The following ITPK1 variants were observed in gnomAD, a reference collection of about 807,000 sequenced individuals.
The protein encoded by ITPK1 is inositol-tetrakisphosphate 1-kinase.
A neutral mutation model predicts 45.3 loss-of-function variants in ITPK1; 21 were observed. The ratio of observed to expected loss-of-function variants is 0.46; its 90% confidence interval spans 0.33 to 0.67. The LOEUF is 0.67. Ranked by LOEUF, ITPK1 falls within the 30% of genes least tolerant of loss-of-function variation. The pLI is 0.02. For synonymous variants in ITPK1, 258 were observed against 253.6 expected (o/e 1.02, Z -0.16); for missense variants, 474 against 573.5 (o/e 0.83, Z 1.77).
chr14:92,982,448 C>G (rs1007401520), intron 5 of ITPK1, among the ~76,000 whole-genome samples: 4 of 152,192 alleles, frequency 2.6e-5, no homozygotes, highest in African/African-American at 9.6e-5. Context: ...AGAAGAAACA[C>G]AGGACCTGTA....
In ITPK1 at chr14:92,997,832, C is replaced by T. The variant is rs555760396; in HGVS notation, c.247-3835G>A. 9.8e-5 allele frequency among the ~76,000 whole-genome samples: 15 copies of T among 152,292 alleles called. 2 individuals carry two copies. Among genetic ancestry groups the T allele is most frequent in the Admixed American group, 7.8e-4 (12 of 15,304 alleles). On this transcript the variant is annotated intron_variant, in intron 4 of 10. Coordinates refer to ENST00000267615, the MANE Select transcript of ITPK1 (RefSeq NM_014216.6). ...GGGCTGGAACACACCTGGGGCAGAG[C>T]GTCACGGTGCCCACCTACAGCGCAA...
At chr14:93,067,574 C>T (rs1890811365) in intron 3 of ITPK1, 1 of 152,130 alleles carries the variant, frequency 6.6e-6, no homozygotes, top group Admixed American at 6.5e-5. Context: ...CTAAAAAGCT[C>T]AGGAACCAAA....
At chr14:93,103,676 T>TA (rs1316729537) in intron 2 of ITPK1, among the ~76,000 whole-genome samples, 1 of 152,034 alleles carries the variant, frequency 6.6e-6, no homozygotes. Flanking sequence ...GGGTGTTTTT[T>TA]AAAAAGAAGA....
chr14:92,981,006 CCT>C (rs1366513876), intron 5 of ITPK1, among the ~76,000 whole-genome samples: 1 of 152,230 alleles, frequency 6.6e-6, no homozygotes, highest in East Asian at 1.9e-4. Flanking sequence ...CCGCACCCGG[CCT>C]CTCTTGTAGT....
chr14:92,955,210 C>T (rs1400972745), intron 8 of ITPK1, among the ~76,000 whole-genome samples: 1 of 152,244 alleles, frequency 6.6e-6, no homozygotes, highest in Non-Finnish European at 1.5e-5. Context: ...CACTCATTTA[C>T]ATATCTACAG....
At chr14:93,026,009 G>A (rs966413054) in intron 3 of ITPK1, among the ~76,000 whole-genome samples, 1 of 152,132 alleles carries the variant, frequency 6.6e-6, no homozygotes, top group Admixed American at 6.5e-5. Flanking sequence ...CCACGCCCAC[G>A]CCTGTCATCC....
intron 3 of ITPK1, among the ~76,000 whole-genome samples, chr14:93,074,650 G>A (rs74953241): frequency 0.01 from 1,589 of 152,282 alleles, 24 homozygotes; most frequent in African/African-American, 0.036. Context: ...AGGGCAACCC[G>A]GGGCCTTCCT....
chr14:92,973,744 G>C (rs1846916796), intron 5 of ITPK1, among the ~76,000 whole-genome samples: 1 of 152,228 alleles, frequency 6.6e-6, no homozygotes, highest in Non-Finnish European at 1.5e-5. Context: ...GGGTGGGAGG[G>C]CCGCACAGGC....
At chr14:93,029,577 C>T (rs756110771) in intron 3 of ITPK1, among the ~76,000 whole-genome samples, 10 of 152,104 alleles carry the variant, frequency 6.6e-5, no homozygotes, top group Non-Finnish European at 1.3e-4. Context: ...GCCCAAAAGG[C>T]ACAGAGGCTC....
At chr14:93,042,644 G>A (rs73332192) in intron 3 of ITPK1, among the ~76,000 whole-genome samples, 5,315 of 152,254 alleles carry the variant, frequency 0.035, 325 homozygotes, top group African/African-American at 0.12. Flanking sequence ...TGGGGCTTGT[G>A]GGGTGGCTGC....
chr14:93,079,535 A>G lies in ITPK1; in HGVS notation c.96-2916T>C, dbSNP rs141021148. Reference sequence around the variant, plus strand: ...TGGGCAAGGGTGGCACCAAGCTGGAAGGCCTGGTCTCCAGCCTCCAGGGCC... The same window carrying G: ...TGGGCAAGGGTGGCACCAAGCTGGAGGGCCTGGTCTCCAGCCTCCAGGGCC... On this transcript the variant is annotated intron_variant, in intron 2 of 10. Coordinates refer to ENST00000267615, the MANE Select transcript of ITPK1 (RefSeq NM_014216.6). Among the ~76,000 whole-genome samples, 1,300 of 152,312 alleles carry G rather than the reference A, an allele frequency of 8.5e-3. 7 individuals carry two copies. Among genetic ancestry groups the G allele is most frequent in the Non-Finnish European group, 0.014 (937 of 68,030 alleles).
intron 3 of ITPK1, among the ~76,000 whole-genome samples, chr14:93,025,376 TA>T (rs1215994885): frequency 3.3e-5 from 5 of 152,250 alleles, no homozygotes; most frequent in African/African-American, 1.2e-4. Flanking sequence ...GACTTTTCTG[TA>T]ATTCAAATGT....
At chr14:92,988,473 TG>T (rs1388533316) in intron 5 of ITPK1, among the ~76,000 whole-genome samples, 2 of 152,200 alleles carry the variant, frequency 1.3e-5, no homozygotes, top group Non-Finnish European at 2.9e-5. Flanking sequence ...CCATGATGTG[TG>T]GCTGCCCTCA....
chr14:93,059,983 C>A (rs931667533), intron 3 of ITPK1, among the ~76,000 whole-genome samples: 10 of 151,680 alleles, frequency 6.6e-5, no homozygotes, highest in African/African-American at 2.2e-4. Context: ...GGCTGACTGC[C>A]GTAGAACGCA....
intron 9 of ITPK1, 83 bp from the exon 10 acceptor site, chr14:92,946,576 G>C: frequency 7.4e-7 from 1 of 1,345,018 alleles, no homozygotes; most frequent in African/African-American, 1.4e-5. Context: ...CACACCAGCT[G>C]CCACGAGGCC....
At chr14:93,057,733 C>T (rs1393343746) in intron 3 of ITPK1, among the ~76,000 whole-genome samples, 1 of 152,170 alleles carries the variant, frequency 6.6e-6, no homozygotes, top group Non-Finnish European at 1.5e-5. Context: ...CTCCTGCGGC[C>T]CCAGCCTGCA....
At chr14:93,002,886 GTTTGTTC>G (rs1887422268) in intron 4 of ITPK1, among the ~76,000 whole-genome samples, 1 of 152,158 alleles carries the variant, frequency 6.6e-6, no homozygotes, top group Non-Finnish European at 1.5e-5. Context: ...CTCACTGGTT[GTTTGTTC>G]TCTCAAAGCC....
intron 10 of ITPK1, among the ~76,000 whole-genome samples, chr14:92,944,625 C>G (rs1231696011): frequency 1.3e-5 from 2 of 152,232 alleles, no homozygotes; most frequent in African/African-American, 4.8e-5. Context: ...CCTGTGCCCC[C>G]CTGGCCCTCC....
chr14:92,960,277 C>G (rs1313771489), intron 7 of ITPK1, among the ~76,000 whole-genome samples: 1 of 152,166 alleles, frequency 6.6e-6, no homozygotes, highest in Non-Finnish European at 1.5e-5. Context: ...TGACCCCATA[C>G]TTGAGGGCTG....
Sources: allele counts gnomAD v4.1 joint callset (sites outside exome capture counted in the v4.1 genomes callset), GRCh38; gene constraint gnomAD v4.1.1; transcripts MANE v1.5; gene names NCBI Gene and HGNC (gene_info 2026-07-23, HGNC 2026-07-21).